COX10: variants seen among roughly 807,000 people sequenced by gnomAD.
COX10 encodes the protein protoheme IX farnesyltransferase, mitochondrial.
COX10 carries 27 observed loss-of-function variants against 37.3 expected under a neutral mutation model. The observed-to-expected ratio is 0.72, with a 90% CI of 0.53 to 1.00. The LOEUF is 1.00. COX10 is among the 50% of genes least tolerant of loss of function. COX10 has a pLI of 0.00. For synonymous variants in COX10, 222 were observed against 229.1 expected (o/e 0.97, Z 0.28); for missense variants, 475 against 563.2 (o/e 0.84, Z 1.59).
rs376580944 is a variant in COX10 at position 14,155,991 on chromosome 17, G to A, written c.625-3886G>A. Among the ~76,000 whole-genome samples, 34 of 152,190 alleles carry A rather than the reference G, an allele frequency of 2.2e-4. No homozygotes were observed. In the East Asian group the frequency reaches 3.1e-3, roughly 14 times the overall value. ...GAGTCATGGCACATTAGCATGGCAC[G>A]TGAGGCTCTCTGTGACCCTTGTCTA... is the stretch of plus-strand genomic sequence containing the variant. On this transcript the variant is annotated intron_variant, in intron 4 of 6. Coordinates refer to ENST00000261643, the MANE Select transcript of COX10 (RefSeq NM_001303.4).
At chr17:14,132,774 C>T (rs975798704) in intron 4 of COX10, among the ~76,000 whole-genome samples, 3 of 151,354 alleles carry the variant, frequency 2.0e-5, no homozygotes, top group African/African-American at 7.3e-5. Context: ...TTTACTTTTC[C>T]TATGTTTATT....
At chr17:14,145,718 C>A (rs1482682968) in intron 4 of COX10, among the ~76,000 whole-genome samples, 2 of 152,110 alleles carry the variant, frequency 1.3e-5, no homozygotes, top group African/African-American at 2.4e-5. Flanking sequence ...TTGCATCTGA[C>A]AAGATCACTT....
chr17:14,123,741 G>A (rs773368358), intron 4 of COX10, among the ~76,000 whole-genome samples: 4 of 152,246 alleles, frequency 2.6e-5, no homozygotes, highest in Non-Finnish European at 5.9e-5. Flanking sequence ...AATGTGAGAC[G>A]GAGTTAACCA....
chr17:14,167,868 C>T (rs1905336196), intron 5 of COX10, among the ~76,000 whole-genome samples: 1 of 152,156 alleles, frequency 6.6e-6, no homozygotes, highest in Non-Finnish European at 1.5e-5. Flanking sequence ...GACACAGAGC[C>T]AAACCATATC....
chr17:14,194,227 G>A (rs1303445656), intron 6 of COX10, among the ~76,000 whole-genome samples: 4 of 151,964 alleles, frequency 2.6e-5, no homozygotes, highest in African/African-American at 4.8e-5. Context: ...TTCTTGCTGA[G>A]GGCTAGAGGC....
intron 5 of COX10, among the ~76,000 whole-genome samples, chr17:14,183,009 A>C (rs1905912921): frequency 6.6e-6 from 1 of 151,884 alleles, no homozygotes; most frequent in Non-Finnish European, 1.5e-5. Flanking sequence ...GTAGGGGCTG[A>C]TGTTTAGTAA....
At chr17:14,100,258 C>T (rs950671758) in intron 3 of COX10, among the ~76,000 whole-genome samples, 2 of 152,184 alleles carry the variant, frequency 1.3e-5, no homozygotes, top group South Asian at 4.1e-4. Flanking sequence ...TGCAGTCTGA[C>T]ATTTGCCACC....
At chr17:14,186,433 C>T (rs1906029421) in intron 5 of COX10, among the ~76,000 whole-genome samples, 1 of 151,942 alleles carries the variant, frequency 6.6e-6, no homozygotes, top group African/African-American at 2.4e-5. Context: ...CGCCCATCTC[C>T]CACCCATCCA....
intron 4 of COX10, among the ~76,000 whole-genome samples, chr17:14,155,512 G>A (rs553587925): frequency 1.1e-4 from 16 of 151,958 alleles, no homozygotes; most frequent in East Asian, 2.0e-4. Context: ...TCAGGAGATC[G>A]AGACCATCCT....
chr17:14,156,419 CG>C (rs1457457782), intron 4 of COX10, among the ~76,000 whole-genome samples: 1 of 151,970 alleles, frequency 6.6e-6, no homozygotes, highest in Admixed American at 6.6e-5. Context: ...TTAGTAGAGA[CG>C]GGGTTTCATC....
intron 5 of COX10, chr17:14,179,211 A>G: frequency 2.0e-6 from 2 of 981,848 alleles, no homozygotes; most frequent in African/African-American, 1.7e-5. Context: ...CAGAGAAGAC[A>G]GAGAGATGTA....
In COX10 at chr17:14,206,858, T is replaced by G; in HGVS notation, c.977T>G (p.Phe326Cys). The stretch of plus-strand genomic sequence containing the variant: ...CTCTACTCCTGGCAGTTTCCTCATT[T>G]CAACGCCCTGAGCTGGGGCCTCCGT... ...GILYSWQFPH[F>C]NALSWGLRED... is the part of the protein sequence containing the mutation. Residue 326 changes from phenylalanine to cysteine, a missense_variant, in exon 7 of 7, where the codon TTC becomes TGC. By Grantham distance (205) the Phe-to-Cys change is radical. This residue lies in a region of COX10 where 160 missense variants were observed against 180.6 expected (regional missense o/e 0.89). Transcript: ENST00000261643. The G allele has an allele frequency of 6.2e-7, 1 of 1,614,168 alleles. No individual in the cohort carries two copies. Among genetic ancestry groups the G allele is most frequent in the Non-Finnish European group, 8.5e-7 (1 of 1,180,018 alleles).
At chr17:14,122,050 G>A (rs1438381384) in intron 4 of COX10, among the ~76,000 whole-genome samples, 3 of 152,102 alleles carry the variant, frequency 2.0e-5, no homozygotes, top group Non-Finnish European at 4.4e-5. Context: ...AGTTGAGATT[G>A]GATTCTGTAG....
At chr17:14,145,206 G>T (rs1435579320) in intron 4 of COX10, among the ~76,000 whole-genome samples, 3 of 152,070 alleles carry the variant, frequency 2.0e-5, no homozygotes, top group Non-Finnish European at 4.4e-5. Flanking sequence ...TGGGGGCGCT[G>T]TGTAGAAACA....
chr17:14,201,081 A>G (rs926343682), intron 6 of COX10, among the ~76,000 whole-genome samples: 2 of 152,216 alleles, frequency 1.3e-5, no homozygotes, highest in Non-Finnish European at 2.9e-5. Context: ...TTGTTGTCAT[A>G]GATGACAGAC....
chr17:14,100,326 C>G (rs1348698925), intron 3 of COX10, among the ~76,000 whole-genome samples: 3 of 152,182 alleles, frequency 2.0e-5, no homozygotes, highest in African/African-American at 7.2e-5. Flanking sequence ...ATAGCCCCCC[C>G]AAATACAGCA....
At chr17:14,146,024 G>A (rs950608682) in intron 4 of COX10, among the ~76,000 whole-genome samples, 5 of 151,992 alleles carry the variant, frequency 3.3e-5, no homozygotes, top group African/African-American at 7.2e-5. Context: ...GCCATATTTT[G>A]TATCATTTTG....
chr17:14,129,145 C>T (rs944619291), intron 4 of COX10, among the ~76,000 whole-genome samples: 10 of 143,786 alleles, frequency 7.0e-5, no homozygotes, highest in African/African-American at 1.7e-4. Context: ...TGTGCCCGGC[C>T]TATTTTTTTT....
intron 3 of COX10, among the ~76,000 whole-genome samples, chr17:14,086,117 G>C (rs143769559): frequency 6.6e-6 from 1 of 151,994 alleles, no homozygotes; most frequent in Non-Finnish European, 1.5e-5. Context: ...AATGTCTTAT[G>C]TTGTTTGTGT....
Sources: allele counts gnomAD v4.1 joint callset (sites outside exome capture counted in the v4.1 genomes callset), GRCh38; gene constraint gnomAD v4.1.1; regional missense constraint gnomAD v4.1.1; transcripts MANE v1.5; gene names NCBI Gene and HGNC (gene_info 2026-07-23, HGNC 2026-07-21).